The following MEF2A variants were observed in gnomAD, a reference collection of about 807,000 sequenced individuals.
MEF2A encodes the protein myocyte-specific enhancer factor 2A.
MEF2A carries 28 observed loss-of-function variants against 55.8 expected under a neutral mutation model. The ratio of observed to expected loss-of-function variants is 0.50; its 90% confidence interval spans 0.37 to 0.69. MEF2A has a LOEUF of 0.69. Among genes scored for constraint, MEF2A ranks in the 30% least tolerant of loss-of-function variants. The pLI is 0.00. For missense variants in MEF2A, 528 were observed against 626.2 expected, an observed-to-expected ratio of 0.84 and a Z score of 1.67; for synonymous variants, 239 against 227.1, an observed-to-expected ratio of 1.05 and a Z score of -0.47.
At chr15:99,600,762 T>G (rs1199463217) in intron 2 of MEF2A, among the ~76,000 whole-genome samples, 1 of 94,706 alleles carries the variant, frequency 1.1e-5, no homozygotes, top group Non-Finnish European at 2.7e-5. Context: ...CTATATATCC[T>G]TATGACAGTG....
intron 5 of MEF2A, among the ~76,000 whole-genome samples, chr15:99,673,664 G>C (rs2051321323): frequency 6.6e-6 from 1 of 152,044 alleles, no homozygotes; most frequent in South Asian, 2.1e-4. Context: ...AGAAAAAAGG[G>C]GATATGGAAT....
chr15:99,702,541 CCTCAGTCTCCTGA>C (rs1446184637), intron 8 of MEF2A, among the ~76,000 whole-genome samples: 1 of 151,280 alleles, frequency 6.6e-6, no homozygotes, highest in East Asian at 1.9e-4. Context: ...AATTCTCCTG[CCTCAGTCTCCTGA>C]GTAGCTGGGA....
At chr15:99,619,438 T>G (rs944268684) in intron 2 of MEF2A, among the ~76,000 whole-genome samples, 25 of 152,170 alleles carry the variant, frequency 1.6e-4, no homozygotes, top group Non-Finnish European at 2.8e-4. Flanking sequence ...TGCCTAGTCT[T>G]CAGTTATTTT....
At chr15:99,688,086 T>C (rs892456284) in intron 7 of MEF2A, among the ~76,000 whole-genome samples, 1 of 152,256 alleles carries the variant, frequency 6.6e-6, no homozygotes, top group East Asian at 1.9e-4. Context: ...ACTTATCTTT[T>C]ATTCTTCTCT....
At chr15:99,598,407 C>T (rs561096582) in intron 1 of MEF2A, 23 bp from the exon 2 acceptor site, 2 of 152,124 alleles carry the variant, frequency 1.3e-5, no homozygotes, top group African/African-American at 2.4e-5. Flanking sequence ...AATAATGCAT[C>T]TCAAATTTTT....
intron 2 of MEF2A, among the ~76,000 whole-genome samples, chr15:99,616,329 G>GT (rs530635207): frequency 9.9e-5 from 15 of 151,824 alleles, no homozygotes; most frequent in African/African-American, 2.2e-4. Context: ...TGATGACTGG[G>GT]TTTTTTTTGT....
chr15:99,686,927 T>G (rs2054344808), intron 7 of MEF2A, among the ~76,000 whole-genome samples: 1 of 151,888 alleles, frequency 6.6e-6, no homozygotes, highest in Admixed American at 6.6e-5. Context: ...TTGATTTTTT[T>G]TTTAATTTGT....
chr15:99,674,475 G>C lies in MEF2A; in HGVS notation c.473G>C (p.Gly158Ala), dbSNP rs2051505627. 2 of 1,613,870 alleles carry C rather than the reference G, an allele frequency of 1.2e-6. No homozygotes were observed. The highest frequency in any genetic ancestry group is 4.5e-5 in the East Asian group (2 of 44,882). The change falls in exon 6 of 12, where the codon GGG becomes GCG. Residue 158 changes from glycine (G) to alanine (A), a missense_variant. Around this residue, in one of 2 missense-constraint regions of MEF2A, gnomAD observed 450 missense variants for 475.3 expected, o/e 0.95. Coordinates refer to ENST00000557942, the MANE Select transcript of MEF2A (RefSeq NM_001319206.4). The stretch of plus-strand genomic sequence containing the variant: ...AATGCTTTGTCCTACACTAACCCAG[G>C]GAGTTCACTGGTGTCCCCATCTTTG... ...SPNALSYTNP[G>A]SSLVSPSLAA...
intron 1 of MEF2A, among the ~76,000 whole-genome samples, chr15:99,590,008 G>A (rs1968708350): frequency 1.3e-5 from 2 of 151,818 alleles, no homozygotes; most frequent in Admixed American, 1.3e-4. Context: ...AAACCAAGGT[G>A]GTTTATAGTG....
chr15:99,609,566 T>G (rs1976410500), intron 2 of MEF2A, among the ~76,000 whole-genome samples: 1 of 152,198 alleles, frequency 6.6e-6, no homozygotes, highest in Non-Finnish European at 1.5e-5. Flanking sequence ...ATATAGCATG[T>G]ACAATTGAGG....
intron 2 of MEF2A, among the ~76,000 whole-genome samples, chr15:99,603,197 T>C (rs2153098768): frequency 6.6e-6 from 1 of 152,294 alleles, no homozygotes; most frequent in South Asian, 2.1e-4. Flanking sequence ...ATTGTGATTT[T>C]TTTTCCTTGA....
chr15:99,631,114 A>G (rs1157751434), intron 2 of MEF2A, among the ~76,000 whole-genome samples: 2 of 152,218 alleles, frequency 1.3e-5, no homozygotes, highest in Non-Finnish European at 2.9e-5. Context: ...TTTGAAGCAA[A>G]CTACTCCACC....
chr15:99,579,449 C>T (rs368853160), intron 1 of MEF2A, among the ~76,000 whole-genome samples: 3 of 152,048 alleles, frequency 2.0e-5, no homozygotes, highest in Non-Finnish European at 4.4e-5. Flanking sequence ...GGCTGGAATG[C>T]AGTGGCGTGA....
chr15:99,578,205 C>A (rs1964900774), intron 1 of MEF2A, among the ~76,000 whole-genome samples: 1 of 152,158 alleles, frequency 6.6e-6, no homozygotes, highest in Non-Finnish European at 1.5e-5. Flanking sequence ...TTTCCTTGTT[C>A]CTTTCTCATT....
intron 1 of MEF2A, among the ~76,000 whole-genome samples, chr15:99,589,001 G>T (rs560842280): frequency 2.1e-4 from 32 of 152,126 alleles, no homozygotes; most frequent in Non-Finnish European, 3.5e-4. Context: ...ATACCCAAGT[G>T]ACACTGGTAT....
intron 1 of MEF2A, among the ~76,000 whole-genome samples, chr15:99,594,622 C>G (rs554952987): frequency 3.3e-5 from 5 of 152,116 alleles, no homozygotes; most frequent in Admixed American, 6.6e-5. Flanking sequence ...CTAGGTCTTT[C>G]TGATGACCAG....
At chr15:99,633,551 A>G (rs1465503970) in intron 3 of MEF2A, among the ~76,000 whole-genome samples, 1 of 152,150 alleles carries the variant, frequency 6.6e-6, no homozygotes, top group Non-Finnish European at 1.5e-5. Flanking sequence ...ATAATTAGCT[A>G]AGTTAACTAT....
chr15:99,648,892 G>A (rs1345797343), intron 4 of MEF2A, among the ~76,000 whole-genome samples: 1 of 152,144 alleles, frequency 6.6e-6, no homozygotes, highest in Non-Finnish European at 1.5e-5. Flanking sequence ...AGTGTGTTTT[G>A]TGGGAGTACT....
chr15:99,597,022 A>C (rs1231642326), intron 1 of MEF2A, among the ~76,000 whole-genome samples: 1 of 152,234 alleles, frequency 6.6e-6, no homozygotes, highest in African/African-American at 2.4e-5. Context: ...AGGACCCTGT[A>C]ATAATTGCAT....
Sources: gnomAD v4.1 joint callset for allele counts (sites outside exome capture counted in the v4.1 genomes callset) on GRCh38, gnomAD v4.1.1 for gene constraint, gnomAD v4.1.1 regional missense constraint, MANE v1.5 for transcripts, NCBI Gene and HGNC (gene_info 2026-07-23, HGNC 2026-07-21) for gene names.